Variants in STMND1 observed in about 807,000 individuals in gnomAD.
STMND1 encodes the protein stathmin domain containing 1, also known as stathmin domain-containing protein 1.
A neutral mutation model predicts 23.0 loss-of-function variants in STMND1; 17 were observed. That is an observed-to-expected ratio of 0.74 (90% CI 0.51 to 1.11). The LOEUF is 1.11. Ranked by LOEUF, STMND1 falls within the 50% of genes least tolerant of loss-of-function variation. The pLI is 0.00. For missense variants in STMND1, 305 were observed against 329.1 expected (o/e 0.93, Z 0.57); for synonymous variants, 114 against 119.9 (o/e 0.95, Z 0.32).
chr6:17,129,126 G>A lies in STMND1; in HGVS notation c.426G>A (p.Glu142=), dbSNP rs2113496605. 6.5e-7 allele frequency: 1 copy of A among 1,535,890 alleles called. No individual in the cohort carries two copies. The highest frequency in any genetic ancestry group is 8.7e-7 in the Non-Finnish European group (1 of 1,146,796). The change falls in exon 4 of 5, where the codon GAG becomes GAA. Residue 142 remains glutamate (E), a synonymous_variant. Coordinates refer to ENST00000536551, the MANE Select transcript of STMND1 (RefSeq NM_001190766.2). The part of the protein sequence containing the change: ...ESYDVTLTTT[E]KPLRKPPSRL... ...TTTTATTCCAGTTGACTACGACTGA[G>A]AAGCCATTGAGAAAGCCACCTTCCA...
chr6:17,108,672 C>T (rs974448890), intron 1 of STMND1, among the ~76,000 whole-genome samples: 4 of 150,752 alleles, frequency 2.7e-5, no homozygotes, highest in Non-Finnish European at 5.9e-5. Context: ...CAGATAGGGT[C>T]TCCTTCCTGT....
chr6:17,119,700 C>CA (rs35768370), intron 2 of STMND1, among the ~76,000 whole-genome samples: 38,961 of 128,498 alleles, frequency 0.3, 5,594 homozygotes, highest in Middle Eastern at 0.38. Flanking sequence ...AACCTCATCT[C>CA]AAAAAAAAAA....
intron 2 of STMND1, among the ~76,000 whole-genome samples, chr6:17,119,002 C>T (rs1319975122): frequency 1.3e-5 from 2 of 152,160 alleles, no homozygotes; most frequent in Admixed American, 6.5e-5. Context: ...TTTGACCCTT[C>T]CAGACAAGGC....
chr6:17,120,009 A>T (rs12203596), intron 2 of STMND1, among the ~76,000 whole-genome samples: 5 of 152,078 alleles, frequency 3.3e-5, no homozygotes, highest in Admixed American at 1.3e-4. Context: ...AAACTGTTTC[A>T]GTGCTCATTT....
At chr6:17,126,070 ATT>A (rs1189845838) in intron 3 of STMND1, among the ~76,000 whole-genome samples, 101 of 20,286 alleles carry the variant, frequency 5.0e-3, no homozygotes, top group Non-Finnish European at 5.7e-3. Context: ...ATATATATAT[ATT>A]TTTTTTTTTT....
chr6:17,118,614 G>A (rs918246938), intron 2 of STMND1, among the ~76,000 whole-genome samples: 4 of 152,176 alleles, frequency 2.6e-5, no homozygotes, highest in Admixed American at 2.6e-4. Flanking sequence ...AAAAAGAATG[G>A]ATCAGAATGG....
At chr6:17,118,630 A>G (rs1455105476) in intron 2 of STMND1, among the ~76,000 whole-genome samples, 1 of 152,258 alleles carries the variant, frequency 6.6e-6, no homozygotes, top group Non-Finnish European at 1.5e-5. Context: ...AATGGTTACA[A>G]TAATTTTATT....
At chr6:17,110,747 G>A (rs1761086577) in intron 1 of STMND1, 1 of 453,120 alleles carries the variant, frequency 2.2e-6, no homozygotes, top group Non-Finnish European at 4.4e-6. Context: ...AAGCCTGGGT[G>A]ACAGAGCAAG....
chr6:17,111,130 G>A (rs560183225), intron 1 of STMND1, among the ~76,000 whole-genome samples: 7 of 152,294 alleles, frequency 4.6e-5, no homozygotes, highest in Non-Finnish European at 5.9e-5. Flanking sequence ...CTATGGAACT[G>A]TGAAAAATTT....
At chr6:17,118,299 CTG>C (rs1418919259) in intron 2 of STMND1, among the ~76,000 whole-genome samples, 3 of 152,002 alleles carry the variant, frequency 2.0e-5, no homozygotes, top group East Asian at 3.9e-4. Flanking sequence ...GGAAATGAAA[CTG>C]TATGTTCAGT....
intron 1 of STMND1, among the ~76,000 whole-genome samples, chr6:17,113,706 G>A (rs1761123406): frequency 1.3e-5 from 2 of 150,558 alleles, no homozygotes; most frequent in African/African-American, 4.9e-5. Context: ...GGGCTCCAGA[G>A]ATCCTCCCTC....
chr6:17,129,701 G>C (rs368347989), intron 4 of STMND1, among the ~76,000 whole-genome samples: 1 of 152,012 alleles, frequency 6.6e-6, no homozygotes, highest in Non-Finnish European at 1.5e-5. Flanking sequence ...AAAATTAGCC[G>C]GGCGTGGTGG....
chr6:17,129,089 T>A, intron 3 of STMND1, 23 bp from the exon 4 acceptor site: 3 of 1,533,160 alleles, frequency 2.0e-6, no homozygotes, highest in African/African-American at 1.4e-5. Flanking sequence ...TGTTTCTTCA[T>A]GTAAAAAGAT....
At chr6:17,129,736 C>T (rs955972780) in intron 4 of STMND1, among the ~76,000 whole-genome samples, 1 of 151,754 alleles carries the variant, frequency 6.6e-6, no homozygotes, top group African/African-American at 2.4e-5. Context: ...CCCAGCTACT[C>T]GGGAGGCTGA....
chr6:17,115,184 T>A (rs767632284), intron 2 of STMND1, 45 bp downstream of exon 2: 4 of 1,491,578 alleles, frequency 2.7e-6, no homozygotes, highest in Non-Finnish European at 2.7e-6. Context: ...CACAAAATAC[T>A]GTTTCTCTAA....
chr6:17,111,312 G>C (rs1174789240), intron 1 of STMND1, among the ~76,000 whole-genome samples: 1 of 152,098 alleles, frequency 6.6e-6, no homozygotes, highest in African/African-American at 2.4e-5. Flanking sequence ...GGGCCTTCTG[G>C]AAACACATAT....
intron 1 of STMND1, among the ~76,000 whole-genome samples, chr6:17,108,812 T>A (rs1761059783): frequency 6.6e-6 from 1 of 151,526 alleles, no homozygotes; most frequent in Non-Finnish European, 1.5e-5. Context: ...TTCTCCTGCC[T>A]CAGCTTCCTG....
At chr6:17,115,650 G>A (rs748732521) in intron 2 of STMND1, among the ~76,000 whole-genome samples, 1 of 152,206 alleles carries the variant, frequency 6.6e-6, no homozygotes, top group Non-Finnish European at 1.5e-5. Flanking sequence ...GAAACTATTT[G>A]TGGGTTTTCC....
At chr6:17,112,428 G>A (rs1369329392) in intron 1 of STMND1, among the ~76,000 whole-genome samples, 3 of 152,066 alleles carry the variant, frequency 2.0e-5, no homozygotes, top group Non-Finnish European at 2.9e-5. Context: ...GAATATTTGT[G>A]TGCAGTTTTT....
Sources: allele counts gnomAD v4.1 joint callset (sites outside exome capture counted in the v4.1 genomes callset), GRCh38; gene constraint gnomAD v4.1.1; transcripts MANE v1.5; gene names NCBI Gene and HGNC (gene_info 2026-07-23, HGNC 2026-07-21).